Variants in LRRC74A observed in about 807,000 individuals in gnomAD.
LRRC74A encodes leucine rich repeat containing 74A.
LRRC74A carries 44 observed loss-of-function variants against 57.9 expected under a neutral mutation model. The ratio of observed to expected loss-of-function variants is 0.76; its 90% CI spans 0.60 to 0.98. The LOEUF is 0.98. LRRC74A is among the 50% of genes least tolerant of loss of function. LRRC74A has a pLI of 0.00. For synonymous variants in LRRC74A, 211 were observed against 219.4 expected (o/e 0.96, Z 0.34); for missense variants, 572 against 574.0 (o/e 1.00, Z 0.04).
chr14:76,846,517 C>T lies in LRRC74A; in HGVS notation c.676+1616C>T, dbSNP rs113222049. 3.9e-3 allele frequency among the ~76,000 whole-genome samples: 587 copies of T among 152,256 alleles called. 2 individuals carry two copies. Among genetic ancestry groups the T allele is most frequent in the African/African-American group, 0.014 (566 of 41,544 alleles). On this transcript the variant is annotated intron_variant, in intron 7 of 13. Transcript: ENST00000689127. ...AAATAGTAACAACCTAAATAGTCAT[C>T]CCCAGGCAAATGAGTACAAAAGAGG...
chr14:76,835,243 G>C (rs1159696868), intron 3 of LRRC74A, among the ~76,000 whole-genome samples: 1 of 152,110 alleles, frequency 6.6e-6, no homozygotes, highest in African/African-American at 2.4e-5. Flanking sequence ...AGCACTTTGG[G>C]AGGCCAAGGC....
In LRRC74A at chr14:76,831,272, T is replaced by C. The variant is rs753374327; in HGVS notation, c.236T>C (p.Val79Ala). 8.1e-6 allele frequency: 13 copies of C among 1,614,002 alleles called. No individual in the cohort carries two copies. The South Asian group carries it at 1.3e-4, about 16-fold the overall frequency. Residue 79 changes from valine (V) to alanine (A), a missense_variant, in exon 3 of 14, where the codon GTG (valine) becomes GCG (alanine). Physicochemically the swap from Val to Ala is moderately conservative, Grantham distance 64 (BLOSUM62 0). Coordinates refer to ENST00000689127, the MANE Select transcript of LRRC74A (RefSeq NM_001385106.1). ...YLEACKLMGVVPVSYFIRNME... is the reference protein window; with the variant it reads ...YLEACKLMGVAPVSYFIRNME... The stretch of plus-strand genomic sequence containing the variant: ...GAGGCCTGCAAGCTGATGGGTGTAG[T>C]GCCTGTCTCCTACTTCATTCGGAAC...
intron 10 of LRRC74A, among the ~76,000 whole-genome samples, chr14:76,859,359 A>T (rs546710102): frequency 1.3e-5 from 2 of 151,932 alleles, no homozygotes; most frequent in East Asian, 3.9e-4. Flanking sequence ...ACATGGAGAA[A>T]CCCCGTCTCT....
Position 76,828,297 on chromosome 14 carries a change from T to C in LRRC74A, c.44T>C (p.Ile15Thr), listed in dbSNP as rs368136760. 5.6e-6 allele frequency: 9 copies of C among 1,593,406 alleles called. No homozygotes were observed. The highest frequency in any genetic ancestry group is 5.4e-5 in the African/African-American group (4 of 74,330). Reference sequence around the variant, plus strand: ...GATGAGTTTTTTCTTCCAGATGAGATTGAAATTGAGCCAGTACGACAGAGC... The same window carrying C: ...GATGAGTTTTTTCTTCCAGATGAGACTGAAATTGAGCCAGTACGACAGAGC... ...KPLQPETEDE[I>T]EIEPVRQSSD... Residue 15 changes from isoleucine (I) to threonine (T), a missense_variant, in exon 2 of 14, where the codon ATT becomes ACT. By Grantham distance (89) the Ile-to-Thr change is moderately conservative. Coordinates refer to ENST00000689127, the MANE Select transcript of LRRC74A (RefSeq NM_001385106.1).
chr14:76,870,011 C>T (rs1054477624), intron 13 of LRRC74A, 114 bp from the exon 14 acceptor site: 8 of 1,132,242 alleles, frequency 7.1e-6, no homozygotes, highest in African/African-American at 1.5e-5. Context: ...CCTCTAAGGC[C>T]AGAGATGGGT....
In LRRC74A at chr14:76,831,197, C is replaced by G; in HGVS notation, c.167-6C>G. 6.2e-7 allele frequency: 1 copy of G among 1,613,872 alleles called. No individual in the cohort carries two copies. The highest frequency in any genetic ancestry group is 8.5e-7 in the Non-Finnish European group (1 of 1,179,806). ...AAATCCTACTTCAGCCCATCTTTCTCTGCAGATGATGAGAAATTTTTCACC... is the reference window on the plus strand; with the variant it reads ...AAATCCTACTTCAGCCCATCTTTCTGTGCAGATGATGAGAAATTTTTCACC... On this transcript the variant is annotated splice_polypyrimidine_tract_variant and splice_region_variant and intron_variant, in intron 2 of 13. Coordinates refer to ENST00000689127, the MANE Select transcript of LRRC74A (RefSeq NM_001385106.1).
chr14:76,862,882 A>G (rs571110954), intron 11 of LRRC74A, among the ~76,000 whole-genome samples: 39 of 152,302 alleles, frequency 2.6e-4, no homozygotes, highest in Admixed American at 3.9e-4. Context: ...CTCAGATTTT[A>G]GGCTCTGAGT....
At chr14:76,831,421 G>C (rs1300846104) in intron 3 of LRRC74A, 46 bp downstream of exon 3, 1 of 1,601,732 alleles carries the variant, frequency 6.2e-7, no homozygotes, top group Admixed American at 1.7e-5. Flanking sequence ...GAGGTGGAGG[G>C]TTGGCAGAGT....
rs76344935 is a variant in LRRC74A at position 76,837,160 on chromosome 14, G to T, written c.448-715G>T. On this transcript the variant is annotated intron_variant, in intron 4 of 13. Coordinates refer to ENST00000689127, the MANE Select transcript of LRRC74A (RefSeq NM_001385106.1). ...CTGTTTCAAAAAAAAATTGATAAAT[G>T]TAGCTCTGCATAGTTGCCTTAAAGT... Among the ~76,000 whole-genome samples the T allele has an allele frequency of 5.7e-3, 869 of 152,168 alleles. 15 individuals carry two copies. The highest frequency in any genetic ancestry group is 0.02 in the African/African-American group (824 of 41,488).
chr14:76,828,994 T>A, intron 2 of LRRC74A: 1 of 1,288,064 alleles, frequency 7.8e-7, no homozygotes, highest in Non-Finnish European at 1.0e-6. Context: ...CCTACTTTTC[T>A]TGATAAATCT....
chr14:76,864,181 A>C (rs1471126346), intron 11 of LRRC74A, among the ~76,000 whole-genome samples: 1 of 152,122 alleles, frequency 6.6e-6, no homozygotes, highest in Non-Finnish European at 1.5e-5. Flanking sequence ...TGTTGATTGA[A>C]GTGCCGGTGG....
intron 10 of LRRC74A, among the ~76,000 whole-genome samples, chr14:76,859,601 C>T (rs990474439): frequency 6.8e-6 from 1 of 146,578 alleles, no homozygotes; most frequent in South Asian, 2.1e-4. Context: ...CCCATAAACC[C>T]GTAAGCTGTG....
chr14:76,857,541 C>G, intron 10 of LRRC74A, 66 bp downstream of exon 10: 1 of 1,180,522 alleles, frequency 8.5e-7, no homozygotes, highest in Non-Finnish European at 1.2e-6. Context: ...ACTCTATACT[C>G]TGTGTTGGCC....
At chr14:76,834,135 C>T (rs1413195406) in intron 3 of LRRC74A, among the ~76,000 whole-genome samples, 3 of 152,226 alleles carry the variant, frequency 2.0e-5, no homozygotes, top group Non-Finnish European at 4.4e-5. Context: ...TTGCGTTTAG[C>T]ATTTGTGTGC....
At chr14:76,845,921 G>A (rs1458819988) in intron 7 of LRRC74A, among the ~76,000 whole-genome samples, 2 of 152,214 alleles carry the variant, frequency 1.3e-5, no homozygotes, top group African/African-American at 4.8e-5. Context: ...GGGAAGCTGA[G>A]GCAGGAGAAT....
chr14:76,848,890 G>A (rs565240075), intron 7 of LRRC74A, among the ~76,000 whole-genome samples: 1 of 152,332 alleles, frequency 6.6e-6, no homozygotes, highest in Admixed American at 6.5e-5. Context: ...AGGAAAGGGT[G>A]GGTGCGGGTG....
chr14:76,841,755 C>T (rs1448245644), intron 5 of LRRC74A, among the ~76,000 whole-genome samples: 5 of 147,766 alleles, frequency 3.4e-5, no homozygotes, highest in African/African-American at 1.0e-4. Flanking sequence ...CTCTTGTTGC[C>T]AGGCTGGAGT....
chr14:76,845,929 A>C (rs150417740), intron 7 of LRRC74A, among the ~76,000 whole-genome samples: 14 of 152,318 alleles, frequency 9.2e-5, no homozygotes, highest in Admixed American at 1.3e-4. Context: ...GAGGCAGGAG[A>C]ATCACCTGAA....
In LRRC74A at chr14:76,828,410, G is replaced by C; in HGVS notation, c.157G>C (p.Glu53Gln). ...CCGGGAGAATTCGGAAACAGACCTG[G>C]AGATTGAAGGCGAGCATGGGCATTT... ...PARENSETDL[E>Q]IEDDEKFFTT... is the part of the protein sequence containing the mutation. Residue 53 changes from glutamate to glutamine, a missense_variant, in exon 2 of 14, where the codon GAG (glutamate) becomes CAG (glutamine). Coordinates refer to ENST00000689127, the MANE Select transcript of LRRC74A (RefSeq NM_001385106.1). 1 of 1,614,016 alleles carries C rather than the reference G, an allele frequency of 6.2e-7. No individual in the cohort carries two copies. Among genetic ancestry groups the C allele is most frequent in the Non-Finnish European group, 8.5e-7 (1 of 1,179,884 alleles).
Sources: allele counts gnomAD v4.1 joint callset (sites outside exome capture counted in the v4.1 genomes callset), GRCh38; gene constraint gnomAD v4.1.1; transcripts MANE v1.5; gene names NCBI Gene and HGNC (gene_info 2026-07-23, HGNC 2026-07-21).